Variants in ALK observed in about 807,000 individuals in gnomAD.
ALK encodes ALK receptor tyrosine kinase.
In ALK, 74 loss-of-function variants were observed where a neutral mutation model predicts 163.1. The observed-to-expected ratio is 0.45, with a 90% CI of 0.38 to 0.55. The LOEUF is 0.55. Ranked by LOEUF, ALK falls within the 20% of genes least tolerant of loss-of-function variation. The pLI is 0.00. For synonymous variants in ALK, 960 were observed against 843.2 expected (o/e 1.14, Z -2.40); for missense variants, 2,063 against 2,105.3 (o/e 0.98, Z 0.39).
chr2:29,301,356 C>T (rs544302492), intron 8 of ALK, among the ~76,000 whole-genome samples: 1 of 152,204 alleles, frequency 6.6e-6, no homozygotes, highest in Non-Finnish European at 1.5e-5. Flanking sequence ...TCTCTCTCTA[C>T]CCTTGGTCAT....
chr2:29,461,797 T>C (rs1186834817), intron 4 of ALK, among the ~76,000 whole-genome samples: 1 of 152,160 alleles, frequency 6.6e-6, no homozygotes, highest in Non-Finnish European at 1.5e-5. Context: ...TTCAGTCTTA[T>C]TATTTAATAA....
chr2:29,591,779 C>T (rs972713513), intron 3 of ALK, among the ~76,000 whole-genome samples: 2 of 151,032 alleles, frequency 1.3e-5, no homozygotes, highest in African/African-American at 2.4e-5. Context: ...GTCCTGGTCA[C>T]GTAGATTACA....
At chr2:29,208,850 C>A (rs756686073) in intron 25 of ALK, among the ~76,000 whole-genome samples, 2 of 151,304 alleles carry the variant, frequency 1.3e-5, no homozygotes, top group Non-Finnish European at 2.9e-5. Flanking sequence ...AAAAAAGGAA[C>A]TAGAGGCTAG....
Position 29,209,981 on chromosome 2 carries a change from C to G in ALK, c.3744-103G>C, listed in dbSNP as rs111686764. ...CTCCAAGCTGAAGTTTAAATAGTTC[C>G]TTCCCTTCCCTATATTTCCTTTAGT... On this transcript the variant is annotated intron_variant, in intron 24 of 28. Transcript: ENST00000389048. The G allele has an allele frequency of 4.6e-6, 4 of 877,176 alleles. No homozygotes were observed. In the African/African-American group the frequency reaches 4.9e-5, roughly 11 times the overall value. The allele number at this position is 877,176 out of a possible 1,614,324, so 54.3% of individuals were successfully genotyped here. A position where few individuals can be genotyped will look rare whatever the true frequency, so the allele number is the denominator to read the frequency against.
At chr2:29,353,036 G>T (rs1025862698) in intron 5 of ALK, among the ~76,000 whole-genome samples, 3 of 152,192 alleles carry the variant, frequency 2.0e-5, no homozygotes, top group African/African-American at 7.2e-5. Context: ...GCCTTTGTAG[G>T]ACTAACAGAC....
At chr2:29,613,196 T>C (rs1295174746) in intron 3 of ALK, among the ~76,000 whole-genome samples, 2 of 152,180 alleles carry the variant, frequency 1.3e-5, no homozygotes, top group Non-Finnish European at 1.5e-5. Flanking sequence ...AAAACTTTAT[T>C]ATCCCAAATT....
intron 3 of ALK, among the ~76,000 whole-genome samples, chr2:29,611,078 A>C (rs1269679736): frequency 6.6e-6 from 1 of 152,086 alleles, no homozygotes; most frequent in Non-Finnish European, 1.5e-5. Flanking sequence ...TGGGAGAGGG[A>C]CAGGCATGGG....
At chr2:29,695,554 T>C (rs1277890284) in intron 2 of ALK, among the ~76,000 whole-genome samples, 1 of 152,054 alleles carries the variant, frequency 6.6e-6, no homozygotes. Flanking sequence ...ACAACCTAGA[T>C]GATGGGTCAG....
chr2:29,680,687 T>C (rs981585708), intron 3 of ALK, among the ~76,000 whole-genome samples: 12 of 152,108 alleles, frequency 7.9e-5, no homozygotes, highest in African/African-American at 2.7e-4. Flanking sequence ...CTAAATCCAA[T>C]AGTTGAGGAC....
At chr2:29,627,453 A>T (rs1380850360) in intron 3 of ALK, among the ~76,000 whole-genome samples, 1 of 151,870 alleles carries the variant, frequency 6.6e-6, no homozygotes, top group Non-Finnish European at 1.5e-5. Flanking sequence ...AATTTCGCAT[A>T]TGAAGATGAT....
chr2:29,492,889 G>C (rs1274919905), intron 4 of ALK, among the ~76,000 whole-genome samples: 2 of 152,138 alleles, frequency 1.3e-5, no homozygotes, highest in African/African-American at 2.4e-5. Context: ...CTAACCAGAT[G>C]GTATGGGAGT....
At chr2:29,254,001 C>T (rs1212228983) in intron 11 of ALK, among the ~76,000 whole-genome samples, 1 of 152,138 alleles carries the variant, frequency 6.6e-6, no homozygotes, top group Non-Finnish European at 1.5e-5. Context: ...ATAATTGAAT[C>T]ATGGGGTAAG....
At chr2:29,848,233 G>A (rs930976742) in intron 1 of ALK, among the ~76,000 whole-genome samples, 1 of 151,848 alleles carries the variant, frequency 6.6e-6, no homozygotes. Flanking sequence ...CAGTGCGAAA[G>A]GCAAAAATTG....
chr2:29,251,770 G>A (rs1361144810), intron 11 of ALK, among the ~76,000 whole-genome samples: 3 of 152,182 alleles, frequency 2.0e-5, no homozygotes, highest in Non-Finnish European at 2.9e-5. Context: ...GCTCAGCATT[G>A]CCTATAGGAG....
At chr2:29,759,083 G>C (rs1680626156) in intron 1 of ALK, among the ~76,000 whole-genome samples, 1 of 151,978 alleles carries the variant, frequency 6.6e-6, no homozygotes, top group African/African-American at 2.4e-5. Context: ...TCTCTTTTCT[G>C]TGTGTGTAAG....
chr2:29,284,413 G>A (rs1665796890), intron 9 of ALK, among the ~76,000 whole-genome samples: 1 of 152,184 alleles, frequency 6.6e-6, no homozygotes, highest in South Asian at 2.1e-4. Flanking sequence ...TTTAGGGAAA[G>A]AAGGGGCTGA....
intron 5 of ALK, among the ~76,000 whole-genome samples, chr2:29,382,982 T>G (rs1488520684): frequency 2.0e-5 from 3 of 152,128 alleles, no homozygotes; most frequent in African/African-American, 7.2e-5. Flanking sequence ...ACACACCACT[T>G]CCCAGAGGCA....
Position 29,232,363 on chromosome 2 carries a change from G to A in ALK, c.2573C>T (p.Pro858Leu). Residue 858 changes from proline (P) to leucine (L), a missense_variant, in exon 15 of 29, where the codon CCA becomes CTA. Physicochemically the swap from Pro to Leu is moderately conservative, Grantham distance 98. This residue lies in a region of ALK where 575 missense variants were observed against 626.6 expected (regional missense o/e 0.92). Transcript: ENST00000389048. ...CGAGGAGTTATTCTCCAGTCTCTCT[G>A]GGTGGAACGTGTCTGTCTTGGCCCC... ...AYGAKTDTFH[P>L]ERLENNSSVL... The A allele has an allele frequency of 6.2e-7, 1 of 1,614,278 alleles. No individual in the cohort carries two copies. The highest frequency in any genetic ancestry group is 1.3e-5 in the African/African-American group (1 of 75,066).
intron 3 of ALK, among the ~76,000 whole-genome samples, chr2:29,599,135 A>G (rs1675302470): frequency 6.6e-6 from 1 of 151,978 alleles, no homozygotes; most frequent in South Asian, 2.1e-4. Flanking sequence ...TGGTTTTAAA[A>G]TGACTACAAA....
Sources: gnomAD v4.1 joint callset for allele counts (sites outside exome capture counted in the v4.1 genomes callset) on GRCh38, gnomAD v4.1.1 for gene constraint, gnomAD v4.1.1 regional missense constraint, MANE v1.5 for transcripts, NCBI Gene and HGNC (gene_info 2026-07-23, HGNC 2026-07-21) for gene names.